DGKB: variants seen among roughly 807,000 people sequenced by gnomAD.
DGKB encodes the protein 90 kDa diacylglycerol kinase.
In DGKB, 67 loss-of-function variants were observed where a neutral mutation model predicts 114.3. The ratio of observed to expected loss-of-function variants is 0.59; its 90% CI spans 0.48 to 0.72. The LOEUF (loss-of-function observed/expected upper bound fraction) is 0.72, where lower values mean the gene tolerates loss of function less well. Ranked by LOEUF, DGKB falls within the 30% of genes least tolerant of loss-of-function variation. The pLI, the probability that DGKB is intolerant of heterozygous loss-of-function variation, is 0.00. For missense variants in DGKB, 907 were observed against 975.2 expected (o/e 0.93, Z 0.93); for synonymous variants, 398 against 323.1 (o/e 1.23, Z -2.49).
intron 25 of DGKB, among the ~76,000 whole-genome samples, chr7:14,167,490 G>C (rs1483375081): frequency 1.3e-5 from 2 of 151,918 alleles, no homozygotes; most frequent in African/African-American, 2.4e-5. Flanking sequence ...AGAGCCCTGG[G>C]AGTAAAAAAA....
At chr7:14,320,444 C>T (rs1027609308) in intron 23 of DGKB, among the ~76,000 whole-genome samples, 2 of 152,108 alleles carry the variant, frequency 1.3e-5, no homozygotes, top group Non-Finnish European at 1.5e-5. Context: ...TAGCCTTGCT[C>T]CACAGCCTTA....
intron 23 of DGKB, among the ~76,000 whole-genome samples, chr7:14,262,538 A>AATT (rs768306870): frequency 2.6e-5 from 4 of 152,142 alleles, no homozygotes; most frequent in Admixed American, 6.6e-5. Context: ...GTGAGAAATA[A>AATT]ATTATGCTGT....
intron 2 of DGKB, among the ~76,000 whole-genome samples, chr7:14,817,799 G>T (rs1360202965): frequency 6.6e-6 from 1 of 152,066 alleles, no homozygotes; most frequent in Non-Finnish European, 1.5e-5. Flanking sequence ...CACAGATATT[G>T]ACAATAATGA....
At chr7:14,310,339 A>C (rs1805179600) in intron 23 of DGKB, among the ~76,000 whole-genome samples, 1 of 152,182 alleles carries the variant, frequency 6.6e-6, no homozygotes, top group African/African-American at 2.4e-5. Flanking sequence ...GAACGATAGA[A>C]TCTCTAAATA....
intron 2 of DGKB, among the ~76,000 whole-genome samples, chr7:14,827,716 G>C (rs910143440): frequency 6.6e-6 from 1 of 151,960 alleles, no homozygotes. Context: ...AGACTTATGG[G>C]GGGTATGGTT....
chr7:14,504,769 T>C (rs562543979), intron 20 of DGKB, among the ~76,000 whole-genome samples: 1 of 152,214 alleles, frequency 6.6e-6, no homozygotes, highest in African/African-American at 2.4e-5. Context: ...AGGTTGATTT[T>C]TATTTTAAAT....
intron 2 of DGKB, among the ~76,000 whole-genome samples, chr7:14,780,728 T>G (rs1002248109): frequency 1.3e-5 from 2 of 152,202 alleles, no homozygotes; most frequent in Non-Finnish European, 2.9e-5. Context: ...TTCTGCTCTA[T>G]GTGCAAAATA....
chr7:14,255,698 G>A (rs923492169), intron 23 of DGKB, among the ~76,000 whole-genome samples: 1 of 151,134 alleles, frequency 6.6e-6, no homozygotes, highest in Non-Finnish European at 1.5e-5. Context: ...ACCAGAGTTT[G>A]TAAAAAAGCC....
intron 23 of DGKB, among the ~76,000 whole-genome samples, chr7:14,249,676 G>A (rs1264275162): frequency 6.6e-6 from 1 of 152,062 alleles, no homozygotes; most frequent in African/African-American, 2.4e-5. Context: ...TGTGGTAACA[G>A]TTGTACTGTC....
rs150420213 is a variant in DGKB at position 14,922,375 on chromosome 7, CGTGTGT to C, written c.-188+52315_-188+52320del. ...TGTCTACATATATATGTGTATCCATCGTGTGTGTGTGTGTGTGTGTGTGTGTGTGTG... is the reference window on the plus strand; with the variant it reads ...TGTCTACATATATATGTGTATCCATCGTGTGTGTGTGTGTGTGTGTGTGTG... On this transcript the variant is annotated intron_variant, in intron 1 of 4. Coordinates refer to the DGKB transcript ENST00000437998. Among the ~76,000 whole-genome samples, 974 of 118,234 alleles carry C rather than the reference CGTGTGT, an allele frequency of 8.2e-3. 8 individuals are homozygous for C. Among genetic ancestry groups the C allele is most frequent in the African/African-American group, 0.014 (368 of 26,324 alleles). 77.6% of individuals were successfully genotyped at this position (118,234 alleles called of 152,430 possible). A position where few individuals can be genotyped will look rare whatever the true frequency, so the allele number is the denominator to read the frequency against.
intron 20 of DGKB, among the ~76,000 whole-genome samples, chr7:14,570,197 CA>C (rs1417153276): frequency 2.0e-5 from 3 of 151,410 alleles, no homozygotes; most frequent in Non-Finnish European, 2.9e-5. Flanking sequence ...AGTATTTTTG[CA>C]AAGTCAATTT....
intron 12 of DGKB, 83 bp from the exon 13 acceptor site, chr7:14,673,110 A>G (rs1050807201): frequency 1.8e-5 from 13 of 734,602 alleles, no homozygotes; most frequent in African/African-American, 5.3e-5. Flanking sequence ...ATCGAGATAC[A>G]GCAAACACAT....
chr7:14,489,586 T>C (rs2128929402), intron 20 of DGKB, among the ~76,000 whole-genome samples: 1 of 152,304 alleles, frequency 6.6e-6, no homozygotes, highest in South Asian at 2.1e-4. Context: ...TTATCATCTT[T>C]GAATACCCAA....
At chr7:14,294,162 G>T (rs193066951) in intron 23 of DGKB, among the ~76,000 whole-genome samples, 64 of 152,122 alleles carry the variant, frequency 4.2e-4, no homozygotes, top group African/African-American at 1.3e-3. Context: ...GTGTCACCCT[G>T]TCATCTGTCT....
At chr7:14,870,002 G>GT (rs146392139) in intron 1 of DGKB, among the ~76,000 whole-genome samples, 2,254 of 152,114 alleles carry the variant, frequency 0.015, 66 homozygotes, top group African/African-American at 0.051. Context: ...TTATTTAGCA[G>GT]TTTTTTCTAT....
intron 15 of DGKB, among the ~76,000 whole-genome samples, chr7:14,616,630 G>A (rs1290251751): frequency 2.6e-5 from 4 of 151,634 alleles, no homozygotes; most frequent in Admixed American, 6.6e-5. Context: ...TATTTATACA[G>A]CATTTGAGAT....
chr7:14,301,707 A>G (rs1385124081), intron 23 of DGKB, among the ~76,000 whole-genome samples: 1 of 152,166 alleles, frequency 6.6e-6, no homozygotes, highest in East Asian at 1.9e-4. Flanking sequence ...ACACACATAC[A>G]CACACATTTG....
At chr7:14,256,462 AAT>A (rs941043005) in intron 23 of DGKB, among the ~76,000 whole-genome samples, 27 of 129,728 alleles carry the variant, frequency 2.1e-4, no homozygotes, top group Admixed American at 6.3e-4. Flanking sequence ...TTCTAAAATA[AAT>A]ATTTTATTTA....
chr7:14,630,826 T>C (rs966540586), intron 13 of DGKB, among the ~76,000 whole-genome samples: 5 of 152,022 alleles, frequency 3.3e-5, no homozygotes, highest in Non-Finnish European at 7.4e-5. Flanking sequence ...TGGGGTTAAA[T>C]ACATTGACAT....
Sources: gnomAD v4.1 joint callset for allele counts (sites outside exome capture counted in the v4.1 genomes callset) on GRCh38, gnomAD v4.1.1 for gene constraint, MANE v1.5 for transcripts, NCBI Gene and HGNC (gene_info 2026-07-23, HGNC 2026-07-21) for gene names.